The following LRRC74A variants were observed in gnomAD, a reference collection of about 807,000 sequenced individuals.
The protein encoded by LRRC74A is leucine-rich repeat-containing protein 74A.
Under a neutral mutation model 57.9 loss-of-function variants are expected in LRRC74A, and 44 were observed. The observed-to-expected ratio is 0.76, with a 90% CI of 0.60 to 0.98. The LOEUF is 0.98. LRRC74A is among the 50% of genes least tolerant of loss of function. LRRC74A has a pLI of 0.00. For synonymous variants in LRRC74A, 211 were observed against 219.4 expected (o/e 0.96, Z 0.34); for missense variants, 572 against 574.0 (o/e 1.00, Z 0.04).
chr14:76,840,220 G>A (rs1010361873), intron 5 of LRRC74A, among the ~76,000 whole-genome samples: 2 of 152,102 alleles, frequency 1.3e-5, no homozygotes, highest in African/African-American at 4.8e-5. Flanking sequence ...GCTGAGGTGG[G>A]AAAATTGCTT....
At position 76,853,430 on chromosome 14, in the gene LRRC74A, G is replaced by GTGT; in HGVS notation, c.957+20_957+21insTGT. The GTGT allele has an allele frequency of 8.5e-7, 1 of 1,178,048 alleles. No homozygotes were observed. The highest frequency in any genetic ancestry group is 1.2e-6 in the Non-Finnish European group (1 of 840,468). The allele number at this position is 1,178,048 out of a possible 1,614,324, so 73.0% of individuals were successfully genotyped here. On this transcript the variant is annotated intron_variant, in intron 9 of 13. Transcript: ENST00000689127. ...CTGAAGGTAGTCTTCAGCTGGAAAG[G>GTGT]GTGTGTGTGTGTGTGTGTGTGTGTG...
intron 13 of LRRC74A, among the ~76,000 whole-genome samples, chr14:76,867,869 C>T (rs1035415828): frequency 1.3e-5 from 2 of 152,222 alleles, no homozygotes; most frequent in Non-Finnish European, 2.9e-5. Flanking sequence ...GAGACCTAGA[C>T]AGAGGGCGGA....
At chr14:76,861,534 G>C (rs188455592) in intron 11 of LRRC74A, among the ~76,000 whole-genome samples, 1 of 151,352 alleles carries the variant, frequency 6.6e-6, no homozygotes, top group Admixed American at 6.6e-5. Flanking sequence ...GCTATTTGGC[G>C]GGTTCAGCCA....
chr14:76,835,876 G>A (rs1220336808), intron 3 of LRRC74A, among the ~76,000 whole-genome samples: 1 of 152,206 alleles, frequency 6.6e-6, no homozygotes, highest in African/African-American at 2.4e-5. Flanking sequence ...AATGTATCAA[G>A]TTTTCCTTAA....
chr14:76,828,324 G>A lies in LRRC74A; in HGVS notation c.71G>A (p.Ser24Asn). The change falls in exon 2 of 14, where the codon AGC (serine) becomes AAC (asparagine). Residue 24 changes from serine (S) to asparagine (N), a missense_variant. Coordinates refer to ENST00000689127, the MANE Select transcript of LRRC74A (RefSeq NM_001385106.1). ...EIEIEPVRQS[S>N]DKMLYCEAES... ...GAAATTGAGCCAGTACGACAGAGCA[G>A]CGATAAAATGCTCTACTGTGAGGCC... is the stretch of plus-strand genomic sequence containing the variant. The A allele has an allele frequency of 6.2e-7, 1 of 1,609,492 alleles. No homozygotes were observed.
intron 7 of LRRC74A, among the ~76,000 whole-genome samples, chr14:76,845,480 C>G (rs1465503548): frequency 6.6e-6 from 1 of 152,130 alleles, no homozygotes; most frequent in African/African-American, 2.4e-5. Context: ...GCTAAGGACT[C>G]TTAAGTATGG....
chr14:76,847,232 T>C (rs1179652634), intron 7 of LRRC74A, among the ~76,000 whole-genome samples: 1 of 152,164 alleles, frequency 6.6e-6, no homozygotes, highest in African/African-American at 2.4e-5. Context: ...CATGGAGTGT[T>C]AGTGGCTTTG....
At chr14:76,866,157 A>T (rs1394152219) in intron 12 of LRRC74A, 82 bp downstream of exon 12, 1 of 1,079,238 alleles carries the variant, frequency 9.3e-7, no homozygotes, top group African/African-American at 1.6e-5. Flanking sequence ...GAGGAGGAGA[A>T]GGAGCAAAAG....
Position 76,850,078 on chromosome 14 carries a change from G to A in LRRC74A, c.677-2287G>A, listed in dbSNP as rs11845529. Among the ~76,000 whole-genome samples the A allele has an allele frequency of 4.0e-3, 600 of 150,944 alleles. 4 individuals are homozygous for A. The highest frequency in any genetic ancestry group is 0.014 in the African/African-American group (581 of 41,148). Reference sequence around the variant, plus strand: ...ATAAAATTAGCCAGGCATGGTGGTGGGTGCCTGTAGCCCCAGCTACTCGGG... The same window carrying A: ...ATAAAATTAGCCAGGCATGGTGGTGAGTGCCTGTAGCCCCAGCTACTCGGG... On this transcript the variant is annotated intron_variant, in intron 7 of 13. Transcript: ENST00000689127.
At chr14:76,865,558 G>A (rs561185585) in intron 11 of LRRC74A, among the ~76,000 whole-genome samples, 23 of 152,258 alleles carry the variant, frequency 1.5e-4, no homozygotes, top group East Asian at 1.4e-3. Context: ...ACATCCGCGC[G>A]CCATCCACAG....
chr14:76,850,735 G>GCT (rs1227133681), intron 7 of LRRC74A, among the ~76,000 whole-genome samples: 1 of 151,924 alleles, frequency 6.6e-6, no homozygotes, highest in African/African-American at 2.4e-5. Context: ...GGGCGTGGTG[G>GCT]CAGGCGCCTA....
intron 5 of LRRC74A, among the ~76,000 whole-genome samples, chr14:76,843,333 TATAGATG>T (rs1896910012): frequency 6.7e-6 from 1 of 148,408 alleles, no homozygotes; most frequent in African/African-American, 2.5e-5. Flanking sequence ...ACTTGTTCAA[TATAGATG>T]ATTTTACACT....
chr14:76,830,459 A>G (rs1895890798), intron 2 of LRRC74A, among the ~76,000 whole-genome samples: 1 of 152,220 alleles, frequency 6.6e-6, no homozygotes, highest in African/African-American at 2.4e-5. Context: ...TTAGAATGGA[A>G]AGGTGCAGTC....
chr14:76,830,771 G>A (rs1362652367), intron 2 of LRRC74A, among the ~76,000 whole-genome samples: 1 of 152,146 alleles, frequency 6.6e-6, no homozygotes, highest in African/African-American at 2.4e-5. Flanking sequence ...TGATAGTGGC[G>A]GTGAAACTAA....
intron 2 of LRRC74A, chr14:76,828,641 G>A (rs778683960): frequency 2.9e-6 from 2 of 687,696 alleles, no homozygotes; most frequent in African/African-American, 1.8e-5. Context: ...TGCCTCAGGA[G>A]CAGTGCCCTC....
At chr14:76,865,869 C>G (rs1898740891) in intron 11 of LRRC74A, 99 bp from the exon 12 acceptor site, 2 of 939,238 alleles carry the variant, frequency 2.1e-6, no homozygotes, top group Non-Finnish European at 3.3e-6. Flanking sequence ...CCTTGTTAGG[C>G]CTGGAAGCAT....
intron 7 of LRRC74A, among the ~76,000 whole-genome samples, chr14:76,845,895 G>C (rs1246851261): frequency 6.6e-6 from 1 of 152,168 alleles, no homozygotes; most frequent in African/African-American, 2.4e-5. Context: ...GTGCATGCCT[G>C]TAATCCTAGC....
intron 2 of LRRC74A, chr14:76,828,728 C>G: frequency 2.1e-6 from 1 of 484,136 alleles, no homozygotes; most frequent in South Asian, 1.6e-5. Context: ...GTGGGGCATC[C>G]TATGCAATCT....
At chr14:76,859,177 C>G (rs949668494) in intron 10 of LRRC74A, among the ~76,000 whole-genome samples, 1 of 152,164 alleles carries the variant, frequency 6.6e-6, no homozygotes, top group African/African-American at 2.4e-5. Flanking sequence ...GTATTTCCCT[C>G]TCCCAGGCAG....
Sources: allele counts gnomAD v4.1 joint callset (sites outside exome capture counted in the v4.1 genomes callset), GRCh38; gene constraint gnomAD v4.1.1; transcripts MANE v1.5; gene names NCBI Gene and HGNC (gene_info 2026-07-23, HGNC 2026-07-21).